Variants in STAT6 observed in about 807,000 individuals in gnomAD.
The protein encoded by STAT6 is STAT, interleukin4-induced.
A neutral mutation model predicts 106.3 loss-of-function variants in STAT6; 45 were observed. The ratio of observed to expected loss-of-function variants is 0.42; its 90% CI spans 0.33 to 0.54. The LOEUF (loss-of-function observed/expected upper bound fraction) is 0.54. Ranked by LOEUF, STAT6 falls within the 20% of genes least tolerant of loss-of-function variation. The pLI is 0.06. For missense variants in STAT6, 797 were observed against 1,062.2 expected (o/e 0.75, Z 3.47); for synonymous variants, 413 against 413.6 (o/e 1.00, Z 0.02).
chr12:57,100,117 G>A (rs2033725932), intron 13 of STAT6, 27 bp from the exon 14 acceptor site: 1 of 1,562,218 alleles, frequency 6.4e-7, no homozygotes, highest in South Asian at 1.2e-5. Context: ...AAAGGTGTGA[G>A]CCGAGGGAGG....
Position 57,109,156 on chromosome 12 carries a change from C to G in STAT6, c.-21-857G>C, listed in dbSNP as rs1592577675. Among the ~76,000 whole-genome samples the G allele has an allele frequency of 2.6e-5, 4 of 152,088 alleles. No homozygotes were observed. In the South Asian group the frequency reaches 6.2e-4, roughly 24 times the overall value. ...GGCGGAGCTTGCAGTGAGCAGAGAT[C>G]GAGCCACTGCACTCCAGCCTGGGCG... On this transcript the variant is annotated intron_variant, in intron 1 of 21. Coordinates refer to ENST00000300134, the MANE Select transcript of STAT6 (RefSeq NM_003153.5).
chr12:57,096,759 A>G lies in STAT6; in HGVS notation c.2357T>C (p.Ile786Thr). 1.9e-6 allele frequency: 3 copies of G among 1,613,256 alleles called. No homozygotes were observed. Among genetic ancestry groups the G allele is most frequent in the South Asian group, 1.1e-5 (1 of 91,046 alleles). The change falls in exon 22 of 22, where the codon ATT becomes ACT. Residue 786 changes from isoleucine (I) to threonine (T), a missense_variant and splice_region_variant. Ile to Thr is a moderately conservative substitution (Grantham distance 89). Around this residue, in one of 4 missense-constraint regions of STAT6, gnomAD observed 226 missense variants for 236.7 expected, o/e 0.95. Transcript: ENST00000300134. ...PVTAFPQGTWIGEDIFPPLLP... is the reference protein window; with the variant it reads ...PVTAFPQGTWTGEDIFPPLLP... ...CAGAGGAGGGAATATGTCTTCACCAATCCTGCAAGGAGATGGGAGAAGCAG... is the reference window on the plus strand; with the variant it reads ...CAGAGGAGGGAATATGTCTTCACCAGTCCTGCAAGGAGATGGGAGAAGCAG...
At position 57,097,145 on chromosome 12, in the gene STAT6, G is replaced by A; in HGVS notation, c.2160-12C>T. ...TCTGCAGGTGAGGCCTGGAAGTAGGGAGAGCACAGTTAGAGGAAGGCAGGC... is the reference window on the plus strand; with the variant it reads ...TCTGCAGGTGAGGCCTGGAAGTAGGAAGAGCACAGTTAGAGGAAGGCAGGC... On this transcript the variant is annotated splice_polypyrimidine_tract_variant and intron_variant, in intron 19 of 21. Transcript: ENST00000300134. 2 of 1,508,500 alleles carry A rather than the reference G, an allele frequency of 1.3e-6. No homozygotes were observed. Among genetic ancestry groups the A allele is most frequent in the African/African-American group, 1.4e-5 (1 of 71,644 alleles). The allele number at this position is 1,508,500 out of a possible 1,614,324, so 93.4% of individuals were successfully genotyped here. A position where few individuals can be genotyped will look rare whatever the true frequency, so the allele number is the denominator to read the frequency against.
At position 57,099,919 on chromosome 12, in the gene STAT6, G is replaced by A. The variant is rs749738823; in HGVS notation, c.1608-16C>T. 4 of 1,614,230 alleles carry A rather than the reference G, an allele frequency of 2.5e-6. No individual in the cohort carries two copies. Among genetic ancestry groups the A allele is most frequent in the Non-Finnish European group, 3.4e-6 (4 of 1,180,042 alleles). On this transcript the variant is annotated splice_polypyrimidine_tract_variant and intron_variant, in intron 14 of 21. Transcript: ENST00000300134. The surrounding 1 kb of genome is among the most constrained non-coding windows in gnomAD (Gnocchi z 4.7). ...AATGATCAGCCTGGCCGGGATGAAG[G>A]AGAGGATGGGGCATGGGCAGTGAGT...
chr12:57,096,418 TCTC>T lies in STAT6; in HGVS notation c.*151_*153del, dbSNP rs1371284642. Reference sequence around the variant, plus strand: ...TGGATTGGCTCCACCCACTGTGCATTCTCCTGTTAGTCTTTTCCTCCTGACCCA... The same window carrying T: ...TGGATTGGCTCCACCCACTGTGCATTCTGTTAGTCTTTTCCTCCTGACCCA... On this transcript the variant is annotated 3_prime_UTR_variant, in exon 22 of 22. Coordinates refer to ENST00000300134, the MANE Select transcript of STAT6 (RefSeq NM_003153.5). 5 of 697,408 alleles carry T rather than the reference TCTC, an allele frequency of 7.2e-6. No homozygotes were observed. The African/African-American group carries it at 7.3e-5, about 10-fold the overall frequency. 43.2% of individuals were successfully genotyped at this position (697,408 alleles called of 1,614,324 possible).
At chr12:57,110,141 G>A (rs2034496975) in intron 1 of STAT6, 1 of 152,278 alleles carries the variant, frequency 6.6e-6, no homozygotes, top group South Asian at 2.1e-4. Flanking sequence ...CCTCTGGAGT[G>A]AGTGGGCACC....
rs1319265649 is a variant in STAT6 at position 57,106,344 on chromosome 12, G to A, written c.532-5C>T. On this transcript the variant is annotated splice_region_variant and splice_polypyrimidine_tract_variant and intron_variant, in intron 6 of 21. Coordinates refer to ENST00000300134, the MANE Select transcript of STAT6 (RefSeq NM_003153.5). ...CTGCAGTAGCATGGCCAGGGCCTAT[G>A]GGCAGAGAGGGGCCTGAGCCAGGGC... 1.9e-6 allele frequency: 3 copies of A among 1,614,202 alleles called. No homozygotes were observed. The highest frequency in any genetic ancestry group is 1.7e-5 in the Admixed American group (1 of 60,022).
At position 57,102,512 on chromosome 12, in the gene STAT6, A is replaced by G. The variant is rs776703826; in HGVS notation, c.1306-16T>C. Reference sequence around the variant, plus strand: ...GCACGCGGTCCTGGGGAGAAGGGGGAAGAAGAGAGCACTGCAGGCTACCGT... The same window carrying G: ...GCACGCGGTCCTGGGGAGAAGGGGGGAGAAGAGAGCACTGCAGGCTACCGT... On this transcript the variant is annotated splice_polypyrimidine_tract_variant and intron_variant, in intron 12 of 21. Coordinates refer to ENST00000300134, the MANE Select transcript of STAT6 (RefSeq NM_003153.5). 1.1e-5 allele frequency: 17 copies of G among 1,611,744 alleles called. No individual in the cohort carries two copies. Among genetic ancestry groups the G allele is most frequent in the Middle Eastern group, 3.9e-4 (2 of 5,128 alleles).
chr12:57,105,647 T>C, intron 7 of STAT6, 48 bp from the exon 8 acceptor site: 2 of 1,596,214 alleles, frequency 1.3e-6, no homozygotes, highest in Non-Finnish European at 1.7e-6. Flanking sequence ...GGCTGCTTGC[T>C]CCGGCCCAGA....
At position 57,099,172 on chromosome 12, in the gene STAT6, G is replaced by A; in HGVS notation, c.1892-94C>T. 1 of 1,596,636 alleles carries A rather than the reference G, an allele frequency of 6.3e-7. No individual in the cohort carries two copies. Among genetic ancestry groups the A allele is most frequent in the Non-Finnish European group, 8.6e-7 (1 of 1,165,752 alleles). On this transcript the variant is annotated intron_variant, in intron 16 of 21. Coordinates refer to ENST00000300134, the MANE Select transcript of STAT6 (RefSeq NM_003153.5). The surrounding 1 kb of genome is among the most constrained non-coding windows in gnomAD (Gnocchi z 4.7). ...GGGCATGGATCATGGGGAAGTAAGA[G>A]AAGCACAGCTATGAAATAGGGAGTG...
At position 57,106,678 on chromosome 12, in the gene STAT6, C is replaced by T; in HGVS notation, c.478+15G>A. The T allele has an allele frequency of 2.5e-6, 4 of 1,614,038 alleles. No homozygotes were observed. The highest frequency in any genetic ancestry group is 2.5e-6 in the Non-Finnish European group (3 of 1,179,968). Reference sequence around the variant, plus strand: ...ACCACTCCTACACACTCCCCAGAACCACCCTGGCCCCCACCTTGGCCAGCC... The same window carrying T: ...ACCACTCCTACACACTCCCCAGAACTACCCTGGCCCCCACCTTGGCCAGCC... On this transcript the variant is annotated intron_variant, in intron 5 of 21. Coordinates refer to ENST00000300134, the MANE Select transcript of STAT6 (RefSeq NM_003153.5).
At chr12:57,102,561 T>G (rs1017774437) in intron 12 of STAT6, 65 bp from the exon 13 acceptor site, 3 of 1,541,438 alleles carry the variant, frequency 1.9e-6, no homozygotes, top group Non-Finnish European at 1.8e-6. Flanking sequence ...GGGCCGGCCT[T>G]CATCCCTCCC....
rs2034576411 is a variant in STAT6 at position 57,111,344 on chromosome 12, T to G, written c.-237A>C. 6.6e-6 allele frequency: 1 copy of G among 152,318 alleles called. No homozygotes were observed. The highest frequency in any genetic ancestry group is 1.5e-5 in the Non-Finnish European group (1 of 68,430). The allele number at this position is 152,318 out of a possible 1,614,324, so 9.4% of individuals were successfully genotyped here. On this transcript the variant is annotated 5_prime_UTR_variant, in exon 1 of 22. Transcript: ENST00000300134. The stretch of plus-strand genomic sequence containing the variant: ...CTCCTCTCCCGTCCTCCCTCTTCAG[T>G]GTAAGCAGTGGCTGCCCCAGCCCGC...
intron 4 of STAT6, 78 bp from the exon 5 acceptor site, chr12:57,106,909 C>A: frequency 6.3e-7 from 1 of 1,581,306 alleles, no homozygotes. Flanking sequence ...CTCTGCTCTG[C>A]AGATAGCGTT....
intron 4 of STAT6, 111 bp from the exon 5 acceptor site, chr12:57,106,942 G>T: frequency 6.6e-7 from 1 of 1,512,508 alleles, no homozygotes; most frequent in Non-Finnish European, 8.9e-7. Flanking sequence ...TCTCCCCTTT[G>T]GCAGTTCTTC....
rs1233845167 is a variant in STAT6 at position 57,099,860 on chromosome 12, G to A, written c.1651C>T (p.Leu551Phe). 1 of 1,614,248 alleles carries A rather than the reference G, an allele frequency of 6.2e-7. No homozygotes were observed. The highest frequency in any genetic ancestry group is 1.7e-5 in the Admixed American group (1 of 60,030). ...AAGGTTCCGTCGGGCTCATTGAGAAGAAGGCTAGTAACGTACTGTTTGCTG... is the reference window on the plus strand; with the variant it reads ...AAGGTTCCGTCGGGCTCATTGAGAAAAAGGCTAGTAACGTACTGTTTGCTG... ...FISKQYVTSL[L>F]LNEPDGTFLL... The change falls in exon 15 of 22, where the codon CTT becomes TTT. Residue 551 changes from leucine (L) to phenylalanine (F), a missense_variant. Transcript: ENST00000300134. This position sits in a 1 kb window ranked among gnomAD's most constrained non-coding sequence, Gnocchi z 4.7.
intron 1 of STAT6, chr12:57,110,153 C>G (rs2034497916): frequency 6.6e-6 from 1 of 152,328 alleles, no homozygotes; most frequent in Non-Finnish European, 1.5e-5. Flanking sequence ...GTGGGCACCG[C>G]TTTCCTCTGC....
intron 11 of STAT6, 47 bp downstream of exon 11, chr12:57,104,417 G>A (rs1035527484): frequency 1.3e-6 from 2 of 1,580,754 alleles, no homozygotes; most frequent in Admixed American, 1.8e-5. Flanking sequence ...TGGCATTGGA[G>A]GAGGACTCGG....
In STAT6 at chr12:57,098,764, T is replaced by G. The variant is rs766837542; in HGVS notation, c.2066+28A>C. 5.0e-6 allele frequency: 8 copies of G among 1,606,426 alleles called. No homozygotes were observed. The Admixed American group carries it at 5.0e-5, about 10-fold the overall frequency. On this transcript the variant is annotated intron_variant, in intron 18 of 21. Coordinates refer to ENST00000300134, the MANE Select transcript of STAT6 (RefSeq NM_003153.5). Reference sequence around the variant, plus strand: ...AGATTAGCCCATCTGCACAGACCACTCCCATTCCTGTCTTTCCAGCTCCTT... The same window carrying G: ...AGATTAGCCCATCTGCACAGACCACGCCCATTCCTGTCTTTCCAGCTCCTT...
Sources: gnomAD v4.1 joint callset for allele counts (sites outside exome capture counted in the v4.1 genomes callset) on GRCh38, gnomAD v4.1.1 for gene constraint, gnomAD v4.1.1 regional missense constraint, Gnocchi (gnomAD v3.1) non-coding constraint, MANE v1.5 for transcripts, NCBI Gene and HGNC (gene_info 2026-07-23, HGNC 2026-07-21) for gene names.